Variants in PRPSAP2 observed in about 807,000 individuals in gnomAD.
PRPSAP2 encodes phosphoribosyl pyrophosphate synthetase associated protein 2.
In PRPSAP2, 24 loss-of-function variants were observed where a neutral mutation model predicts 40.6. The observed-to-expected ratio is 0.59, with a 90% CI of 0.43 to 0.83. The LOEUF (loss-of-function observed/expected upper bound fraction) is 0.83. Among genes scored for constraint, PRPSAP2 ranks in the 40% least tolerant of loss-of-function variants. The pLI, the probability that PRPSAP2 is intolerant of heterozygous loss-of-function variation, is 0.00. For missense variants in PRPSAP2, 292 were observed against 465.6 expected (o/e 0.63, Z 3.43); for synonymous variants, 149 against 164.7 (o/e 0.90, Z 0.73).
chr17:18,898,080 C>T (rs2040035008), intron 8 of PRPSAP2, among the ~76,000 whole-genome samples: 1 of 138,790 alleles, frequency 7.2e-6, no homozygotes, highest in Non-Finnish European at 1.5e-5. Flanking sequence ...CTCTTGGTAA[C>T]CTCCGCCTCC....
rs780903246 is a variant in PRPSAP2 at position 18,865,820 on chromosome 17, C to T, written c.-14C>T. The T allele has an allele frequency of 1.4e-6, 2 of 1,467,584 alleles. No homozygotes were observed. The highest frequency in any genetic ancestry group is 1.5e-5 in the South Asian group (1 of 66,326). 90.9% of individuals were successfully genotyped at this position (1,467,584 alleles called of 1,614,324 possible). On this transcript the variant is annotated 5_prime_UTR_variant, in exon 3 of 12. Coordinates refer to ENST00000268835, the MANE Select transcript of PRPSAP2 (RefSeq NM_002767.4). Reference sequence around the variant, plus strand: ...CTTCTAGGCTCTGAAAATTGGAAAACCAAGAAGGTTTTGATGTTTTGTGTG... The same window carrying T: ...CTTCTAGGCTCTGAAAATTGGAAAATCAAGAAGGTTTTGATGTTTTGTGTG...
rs2042221626 is a variant in PRPSAP2, at chr17:18,930,875, T to C, written c.*177T>C. ...TATGTCGGTTTGGGTGTTTGTGAGT[T>C]TGGGGAGCAATTTTTATAAAAGAAA... On this transcript the variant is annotated 3_prime_UTR_variant, in exon 12 of 12. Transcript: ENST00000268835. 1 of 467,952 alleles carries C rather than the reference T, an allele frequency of 2.1e-6. No individual in the cohort carries two copies. The highest frequency in any genetic ancestry group is 3.5e-6 in the Non-Finnish European group (1 of 285,490). 29.0% of individuals were successfully genotyped at this position (467,952 alleles called of 1,614,324 possible).
rs561315268 is a variant in PRPSAP2, at chr17:18,931,181, G to A, written c.*483G>A. The A allele has an allele frequency of 1.3e-5, 2 of 152,306 alleles. No homozygotes were observed. Among genetic ancestry groups the A allele is most frequent in the South Asian group, 2.1e-4 (1 of 4,834 alleles). 9.4% of individuals were successfully genotyped at this position (152,306 alleles called of 1,614,324 possible). ...GTATTTATTTTCTGCAACTAAAAAA[G>A]GAATAAAAACTTGTGTTTGTGTGTT... is the stretch of plus-strand genomic sequence containing the variant. On this transcript the variant is annotated 3_prime_UTR_variant, in exon 12 of 12. Transcript: ENST00000268835.
At chr17:18,864,153 C>T (rs1415773920) in intron 1 of PRPSAP2, among the ~76,000 whole-genome samples, 3 of 151,912 alleles carry the variant, frequency 2.0e-5, no homozygotes, top group Admixed American at 6.6e-5. Context: ...TGTGCCTGGC[C>T]GTATATAATT....
At chr17:18,914,370 ACCTCAG>A (rs994285442) in intron 9 of PRPSAP2, among the ~76,000 whole-genome samples, 1 of 137,958 alleles carries the variant, frequency 7.2e-6, no homozygotes, top group Non-Finnish European at 1.5e-5. Flanking sequence ...CCATTCTCCT[ACCTCAG>A]CCTCCCAAGT....
intron 8 of PRPSAP2, among the ~76,000 whole-genome samples, chr17:18,894,155 A>G (rs2039762860): frequency 2.0e-5 from 3 of 149,054 alleles, no homozygotes; most frequent in South Asian, 2.1e-4. Flanking sequence ...GCAGGCCTCT[A>G]TAGCTTTTTT....
At chr17:18,915,734 G>A (rs9914901) in intron 9 of PRPSAP2, among the ~76,000 whole-genome samples, 1,799 of 152,178 alleles carry the variant, frequency 0.012, 37 homozygotes, top group African/African-American at 0.042. Flanking sequence ...CCCATAGGAA[G>A]GCATTAATCC....
chr17:18,884,851 A>T (rs1336801180), intron 7 of PRPSAP2, among the ~76,000 whole-genome samples: 1 of 152,172 alleles, frequency 6.6e-6, no homozygotes, highest in Non-Finnish European at 1.5e-5. Context: ...TGCTGTCGAC[A>T]TCTTGTTGTT....
intron 10 of PRPSAP2, among the ~76,000 whole-genome samples, chr17:18,927,010 A>G (rs1430647937): frequency 6.6e-6 from 1 of 152,226 alleles, no homozygotes; most frequent in Admixed American, 6.5e-5. Context: ...TATAAAGAAT[A>G]GAAGAAATTT....
chr17:18,858,861 T>G (rs113297977), intron 1 of PRPSAP2, among the ~76,000 whole-genome samples: 1 of 135,730 alleles, frequency 7.4e-6, no homozygotes, highest in East Asian at 2.0e-4. Flanking sequence ...GGGCTTGAGG[T>G]GTGATCTCTA....
At chr17:18,897,650 T>C (rs1223775808) in intron 8 of PRPSAP2, among the ~76,000 whole-genome samples, 1 of 151,966 alleles carries the variant, frequency 6.6e-6, no homozygotes, top group Non-Finnish European at 1.5e-5. Context: ...TTAGTAGAGA[T>C]GGAGTTTTCA....
At chr17:18,899,878 A>G (rs997810847) in intron 8 of PRPSAP2, among the ~76,000 whole-genome samples, 3 of 148,754 alleles carry the variant, frequency 2.0e-5, no homozygotes, top group African/African-American at 7.4e-5. Flanking sequence ...TTTAAGTTCT[A>G]AAATAAGTTT....
intron 7 of PRPSAP2, among the ~76,000 whole-genome samples, chr17:18,884,031 G>A (rs1597599488): frequency 6.6e-6 from 1 of 152,034 alleles, no homozygotes; most frequent in South Asian, 2.1e-4. Context: ...CACTTTGGGA[G>A]TCTGAGGCGG....
At chr17:18,923,062 CTTTTTTAT>C (rs1460140095) in intron 9 of PRPSAP2, among the ~76,000 whole-genome samples, 1 of 150,606 alleles carries the variant, frequency 6.6e-6, no homozygotes, top group African/African-American at 2.4e-5. Context: ...GTTTTTTTTA[CTTTTTTAT>C]TTTTATCTAT....
Position 18,930,724 on chromosome 17 carries a change from G to A in PRPSAP2, c.*26G>A. The stretch of plus-strand genomic sequence containing the variant: ...GTTTTCCTTTAGGAAAACTCCCGAG[G>A]GCCAAACTGGAAACATAAGAGTGAC... On this transcript the variant is annotated 3_prime_UTR_variant, in exon 12 of 12. Coordinates refer to ENST00000268835, the MANE Select transcript of PRPSAP2 (RefSeq NM_002767.4). 1 of 1,587,404 alleles carries A rather than the reference G, an allele frequency of 6.3e-7. No homozygotes were observed. The highest frequency in any genetic ancestry group is 2.2e-5 in the East Asian group (1 of 44,512).
At position 18,910,162 on chromosome 17, in the gene PRPSAP2, G is replaced by A. The variant is rs1359317457; in HGVS notation, c.585-941G>A. 3.9e-5 allele frequency among the ~76,000 whole-genome samples: 6 copies of A among 152,170 alleles called. No individual in the cohort carries two copies. The East Asian group carries it at 1.2e-3, about 29-fold the overall frequency. ...GGCCAGGCGCAAGTGGCTCACACCT[G>A]TAATCCCAGCACTTTGGGAGGTCGA... On this transcript the variant is annotated intron_variant, in intron 8 of 11. Transcript: ENST00000268835.
At chr17:18,886,654 A>T (rs2039171096) in intron 7 of PRPSAP2, among the ~76,000 whole-genome samples, 1 of 151,900 alleles carries the variant, frequency 6.6e-6, no homozygotes, top group Non-Finnish European at 1.5e-5. Context: ...CACCGCGCCC[A>T]GCCAACTTTT....
chr17:18,923,116 G>A (rs958688376), intron 9 of PRPSAP2, among the ~76,000 whole-genome samples: 1 of 151,030 alleles, frequency 6.6e-6, no homozygotes, highest in African/African-American at 2.4e-5. Context: ...TTGAGACAGA[G>A]TCTCGCTCTG....
At chr17:18,865,760 C>A (rs2151882341) in intron 2 of PRPSAP2, 42 bp from the exon 3 acceptor site, 2 of 1,243,028 alleles carry the variant, frequency 1.6e-6, no homozygotes, top group East Asian at 3.0e-5. Flanking sequence ...AGGTATATTT[C>A]ATATCATATG....
Sources: gnomAD v4.1 joint callset for allele counts (sites outside exome capture counted in the v4.1 genomes callset) on GRCh38, gnomAD v4.1.1 for gene constraint, MANE v1.5 for transcripts, NCBI Gene and HGNC (gene_info 2026-07-23, HGNC 2026-07-21) for gene names.